Variants in SORCS3 observed in about 807,000 individuals in gnomAD.
SORCS3 encodes the protein sortilin related VPS10 domain containing receptor 3.
Under a neutral mutation model 146.3 loss-of-function variants are expected in SORCS3, and 57 were observed. The observed-to-expected ratio is 0.39, with a 90% CI of 0.31 to 0.49. The LOEUF (loss-of-function observed/expected upper bound fraction) is 0.49. Ranked by LOEUF, SORCS3 falls within the 20% of genes least tolerant of loss-of-function variation. The pLI is 0.92. For synonymous variants in SORCS3, 653 were observed against 618.5 expected (o/e 1.06, Z -0.83); for missense variants, 1,341 against 1,575.5 (o/e 0.85, Z 2.52).
chr10:104,783,655 A>T (rs897898403), intron 1 of SORCS3, among the ~76,000 whole-genome samples: 3 of 152,142 alleles, frequency 2.0e-5, no homozygotes, highest in African/African-American at 7.2e-5. Context: ...TGAACCCAGG[A>T]GGTGGAGGTT....
chr10:105,151,743 G>A (rs1277683656), intron 9 of SORCS3, among the ~76,000 whole-genome samples: 1 of 152,158 alleles, frequency 6.6e-6, no homozygotes, highest in African/African-American at 2.4e-5. Context: ...ACAAGGCTGA[G>A]ATAATTTCCA....
At chr10:104,850,409 C>A (rs1388734025) in intron 2 of SORCS3, among the ~76,000 whole-genome samples, 1 of 152,138 alleles carries the variant, frequency 6.6e-6, no homozygotes, top group Non-Finnish European at 1.5e-5. Flanking sequence ...ATGGTAAAAT[C>A]CCGTTTCTAC....
intron 3 of SORCS3, among the ~76,000 whole-genome samples, chr10:104,956,333 A>G (rs2019489660): frequency 6.6e-6 from 1 of 152,198 alleles, no homozygotes; most frequent in African/African-American, 2.4e-5. Context: ...ATCCTTCTGC[A>G]ACAGTGTTTA....
chr10:105,077,645 G>C (rs1159697712), intron 5 of SORCS3, among the ~76,000 whole-genome samples: 1 of 152,028 alleles, frequency 6.6e-6, no homozygotes, highest in Non-Finnish European at 1.5e-5. Flanking sequence ...ACCTCACAGA[G>C]TGATCTCTTT....
At chr10:104,751,267 G>A (rs915052706) in intron 1 of SORCS3, among the ~76,000 whole-genome samples, 1 of 152,146 alleles carries the variant, frequency 6.6e-6, no homozygotes, top group African/African-American at 2.4e-5. Context: ...TTTCCTGGGA[G>A]GTACTGGACT....
intron 3 of SORCS3, among the ~76,000 whole-genome samples, chr10:104,922,849 G>A (rs185745565): frequency 3.5e-4 from 53 of 152,308 alleles, no homozygotes; most frequent in African/African-American, 1.2e-3. Context: ...AGAACACTTC[G>A]TAGACTCTCT....
chr10:104,965,797 A>T (rs1192089446), intron 3 of SORCS3, among the ~76,000 whole-genome samples: 34 of 151,562 alleles, frequency 2.2e-4, no homozygotes, highest in Non-Finnish European at 5.9e-5. Context: ...TTGTACTTTA[A>T]TTTTTTTTCT....
chr10:105,148,749 G>A (rs776208240), intron 9 of SORCS3, among the ~76,000 whole-genome samples: 14 of 151,976 alleles, frequency 9.2e-5, no homozygotes, highest in Non-Finnish European at 2.1e-4. Context: ...TACATGCATG[G>A]GTTTCTACTT....
intron 2 of SORCS3, among the ~76,000 whole-genome samples, chr10:104,913,247 C>T (rs1483215044): frequency 2.0e-5 from 3 of 152,002 alleles, no homozygotes; most frequent in Admixed American, 6.6e-5. Flanking sequence ...AGGGAGAAGA[C>T]TGGAAGAAGA....
At chr10:104,795,073 A>G (rs181434263) in intron 1 of SORCS3, among the ~76,000 whole-genome samples, 6 of 152,334 alleles carry the variant, frequency 3.9e-5, no homozygotes, top group Non-Finnish European at 8.8e-5. Flanking sequence ...TTCAAAGACA[A>G]TGTAACTTTC....
At chr10:104,783,864 A>G (rs1443568162) in intron 1 of SORCS3, among the ~76,000 whole-genome samples, 1 of 152,194 alleles carries the variant, frequency 6.6e-6, no homozygotes, top group Non-Finnish European at 1.5e-5. Context: ...TTTGCCCTAG[A>G]GGTGTATTTG....
Position 104,699,339 on chromosome 10 carries a change from G to C in SORCS3, c.627+57385G>C, listed in dbSNP as rs77078788. Among the ~76,000 whole-genome samples, 1,352 of 152,222 alleles carry C rather than the reference G, an allele frequency of 8.9e-3. 21 individuals carry two copies. The highest frequency in any genetic ancestry group is 0.031 in the African/African-American group (1,270 of 41,504). On this transcript the variant is annotated intron_variant, in intron 1 of 26. Coordinates refer to ENST00000369701, the MANE Select transcript of SORCS3 (RefSeq NM_014978.3). ...GTATTAGAAAACTTGTTTCCCTGGA[G>C]TCTCCTTAAGAATATAAAACTGACC...
intron 2 of SORCS3, among the ~76,000 whole-genome samples, chr10:104,848,913 T>G (rs2018238408): frequency 6.6e-6 from 1 of 152,158 alleles, no homozygotes; most frequent in Non-Finnish European, 1.5e-5. Context: ...TATATACATA[T>G]CCACAGAATA....
chr10:104,821,090 G>T lies in SORCS3; in HGVS notation c.628-21702G>T, dbSNP rs115117526. 7.7e-3 allele frequency among the ~76,000 whole-genome samples: 1,166 copies of T among 152,276 alleles called. 14 individuals carry two copies. The highest frequency in any genetic ancestry group is 0.026 in the African/African-American group (1,099 of 41,548). On this transcript the variant is annotated intron_variant, in intron 1 of 26. Transcript: ENST00000369701. ...AAAGACTTAGATTTTCTTAGTATTT[G>T]TACTCCGGCTTGTGCATTCTTGGCT...
intron 11 of SORCS3, among the ~76,000 whole-genome samples, 193 bp downstream of exon 11, chr10:105,159,187 A>C (rs1255633991): frequency 6.6e-6 from 1 of 152,144 alleles, no homozygotes; most frequent in Non-Finnish European, 1.5e-5. Context: ...TGTAATTCCT[A>C]GGCTCATGCA....
At chr10:104,954,731 T>C (rs550242258) in intron 3 of SORCS3, among the ~76,000 whole-genome samples, 69 of 152,272 alleles carry the variant, frequency 4.5e-4, no homozygotes, top group African/African-American at 1.6e-3. Flanking sequence ...GGCTATGGGG[T>C]CAGTGTAGCT....
At position 104,641,677 on chromosome 10, in the gene SORCS3, G is replaced by A. The variant is rs1412590439; in HGVS notation, c.350G>A (p.Arg117Gln). ...TCACCGGCAGGCGAGCGGCGGGGCC[G>A]GGGCATCCCAGCTCCTGCCAAGCTT... ...GTSPAGERRG[R>Q]GIPAPAKLGG... Residue 117 changes from arginine to glutamine, a missense_variant, in exon 1 of 27, where the codon CGG becomes CAG. Coordinates refer to ENST00000369701, the MANE Select transcript of SORCS3 (RefSeq NM_014978.3). The surrounding 1 kb of genome is among the most constrained non-coding windows in gnomAD (Gnocchi z 6.4). 3 of 1,526,512 alleles carry A rather than the reference G, an allele frequency of 2.0e-6. No individual in the cohort carries two copies. The highest frequency in any genetic ancestry group is 1.4e-5 in the African/African-American group (1 of 72,198). 94.6% of individuals were successfully genotyped at this position (1,526,512 alleles called of 1,614,324 possible). A position where few individuals can be genotyped will look rare whatever the true frequency, so the allele number is the denominator to read the frequency against.
chr10:105,092,067 T>C (rs1019893271), intron 6 of SORCS3, among the ~76,000 whole-genome samples: 2 of 152,202 alleles, frequency 1.3e-5, no homozygotes, highest in African/African-American at 4.8e-5. Context: ...TAAGACACAT[T>C]ATTTTCTGAT....
At chr10:104,802,919 T>C (rs2133511136) in intron 1 of SORCS3, among the ~76,000 whole-genome samples, 1 of 152,320 alleles carries the variant, frequency 6.6e-6, no homozygotes. Flanking sequence ...TTGAACAATA[T>C]GGAGATTTCT....
Sources: gnomAD v4.1 joint callset for allele counts (sites outside exome capture counted in the v4.1 genomes callset) on GRCh38, gnomAD v4.1.1 for gene constraint, Gnocchi (gnomAD v3.1) non-coding constraint, MANE v1.5 for transcripts, NCBI Gene and HGNC (gene_info 2026-07-23, HGNC 2026-07-21) for gene names.